The following ABLIM1 variants were observed in gnomAD, a reference collection of about 807,000 sequenced individuals.
ABLIM1 encodes actin-binding LIM protein 1.
A neutral mutation model predicts 107.0 loss-of-function variants in ABLIM1; 40 were observed. The ratio of observed to expected loss-of-function variants is 0.37; its 90% CI spans 0.29 to 0.49. The LOEUF (loss-of-function observed/expected upper bound fraction) is 0.49. Among genes scored for constraint, ABLIM1 ranks in the 20% least tolerant of loss-of-function variants. The probability of loss-of-function intolerance (pLI) is 0.97; values close to 1 mark genes in which losing one functional copy is unlikely to be tolerated. For missense variants in ABLIM1, 857 were observed against 1,008.5 expected (o/e 0.85, Z 2.04); for synonymous variants, 357 against 357.3 (o/e 1.00, Z 0.01).
At chr10:114,775,761 TG>T in the ABLIM1 span, among the ~76,000 whole-genome samples, 2 of 152,244 alleles carry the variant, frequency 1.3e-5, no homozygotes, top group Non-Finnish European at 2.9e-5. Context: ...ATCTAACATT[TG>T]TAAGGCATGA....
At position 114,441,791 on chromosome 10, in the gene ABLIM1, G is replaced by A. The variant is rs776074360; in HGVS notation, c.1934-5C>T. On this transcript the variant is annotated splice_polypyrimidine_tract_variant and splice_region_variant and intron_variant, in intron 17 of 22. Coordinates refer to ENST00000533213, the MANE Select transcript of ABLIM1 (RefSeq NM_002313.7). Reference sequence around the variant, plus strand: ...TAGATGATGGAATATGTGAAGCTGAGTAAGAAAAAAGTAAAAAACCAATTG... The same window carrying A: ...TAGATGATGGAATATGTGAAGCTGAATAAGAAAAAAGTAAAAAACCAATTG... 1.2e-6 allele frequency: 2 copies of A among 1,613,180 alleles called. No individual in the cohort carries two copies. Among genetic ancestry groups the A allele is most frequent in the Non-Finnish European group, 1.7e-6 (2 of 1,179,232 alleles).
intron 1 of ABLIM1, among the ~76,000 whole-genome samples, chr10:114,669,168 T>C (rs1447266518): frequency 2.0e-5 from 3 of 152,228 alleles, no homozygotes; most frequent in Non-Finnish European, 4.4e-5. Flanking sequence ...TCTTATCTCA[T>C]TGCATTAACT....
intron 1 of ABLIM1, among the ~76,000 whole-genome samples, chr10:114,740,861 T>C (rs964178347): frequency 6.6e-6 from 1 of 151,846 alleles, no homozygotes; most frequent in Non-Finnish European, 1.5e-5. Context: ...CTAGCCAACA[T>C]GGTGAAGCCC....
chr10:114,470,294 A>G (rs1408842713), intron 10 of ABLIM1, among the ~76,000 whole-genome samples: 2 of 151,858 alleles, frequency 1.3e-5, no homozygotes, highest in Admixed American at 6.6e-5. Flanking sequence ...ATGGTGGCAC[A>G]TGCCCGTAGT....
At chr10:114,719,941 C>A (rs1424378975) in intron 1 of ABLIM1, among the ~76,000 whole-genome samples, 1 of 152,120 alleles carries the variant, frequency 6.6e-6, no homozygotes. Flanking sequence ...AAAATGTGTG[C>A]CACAGTGGTT....
intron 3 of ABLIM1, among the ~76,000 whole-genome samples, chr10:114,574,195 T>G (rs1332206784): frequency 6.6e-6 from 1 of 151,896 alleles, no homozygotes; most frequent in African/African-American, 2.4e-5. Flanking sequence ...TGAATTGGGG[T>G]TTTTAGAAAG....
At chr10:114,764,466 C>T (rs961542933) in intron 1 of ABLIM1, among the ~76,000 whole-genome samples, 2 of 152,102 alleles carry the variant, frequency 1.3e-5, no homozygotes, top group African/African-American at 4.8e-5. Context: ...CTCAGCCTCC[C>T]GAGTAGCTGG....
At chr10:114,627,289 G>A (rs149003236) in intron 1 of ABLIM1, among the ~76,000 whole-genome samples, 2 of 152,022 alleles carry the variant, frequency 1.3e-5, no homozygotes, top group East Asian at 3.9e-4. Flanking sequence ...AATCTTTAAA[G>A]CCTCAGTTTA....
At chr10:114,550,622 G>A (rs1387205002) in intron 4 of ABLIM1, among the ~76,000 whole-genome samples, 1 of 152,060 alleles carries the variant, frequency 6.6e-6, no homozygotes, top group Non-Finnish European at 1.5e-5. Flanking sequence ...TCTGAGTTTG[G>A]ACAAAGGTAG....
intron 2 of ABLIM1, among the ~76,000 whole-genome samples, chr10:114,581,518 T>C (rs752225128): frequency 3.3e-5 from 5 of 152,220 alleles, no homozygotes; most frequent in Non-Finnish European, 5.9e-5. Flanking sequence ...ATCAGTAGAC[T>C]GAACATCTCT....
chr10:114,467,295 C>T (rs1200609949), intron 11 of ABLIM1, among the ~76,000 whole-genome samples: 1 of 152,166 alleles, frequency 6.6e-6, no homozygotes, highest in Admixed American at 6.5e-5. Flanking sequence ...CAATATAAAA[C>T]TGTCTAAAGA....
intron 1 of ABLIM1, among the ~76,000 whole-genome samples, chr10:114,645,850 T>A (rs897248440): frequency 6.6e-6 from 1 of 151,868 alleles, no homozygotes; most frequent in African/African-American, 2.4e-5. Flanking sequence ...GTTTATGTTT[T>A]AGGCAGAAGG....
At chr10:114,757,521 T>C (rs61207042) in intron 1 of ABLIM1, among the ~76,000 whole-genome samples, 4,900 of 152,290 alleles carry the variant, frequency 0.032, 264 homozygotes, top group African/African-American at 0.11. Flanking sequence ...GCTGAAAGAA[T>C]TGGAGAGATC....
chr10:114,762,385 G>A (rs1383264657), intron 1 of ABLIM1, among the ~76,000 whole-genome samples: 1 of 152,126 alleles, frequency 6.6e-6, no homozygotes, highest in African/African-American at 2.4e-5. Context: ...AAAACTGTGA[G>A]CTCCTTGAGG....
chr10:114,590,449 A>C (rs1030726492), intron 2 of ABLIM1, among the ~76,000 whole-genome samples: 1 of 152,154 alleles, frequency 6.6e-6, no homozygotes, highest in Non-Finnish European at 1.5e-5. Context: ...TGAACTCTGC[A>C]CTAAAGAGTT....
At chr10:114,799,485 C>T in the ABLIM1 span, among the ~76,000 whole-genome samples, 1,329 of 152,294 alleles carry the variant, frequency 8.7e-3, 18 homozygotes, top group African/African-American at 0.03. Flanking sequence ...TCTTGATCCC[C>T]CCCTCCAAAA....
At chr10:114,569,382 C>T (rs1038774646) in intron 4 of ABLIM1, among the ~76,000 whole-genome samples, 3 of 151,678 alleles carry the variant, frequency 2.0e-5, no homozygotes, top group South Asian at 2.1e-4. Flanking sequence ...TGCAGTGGCG[C>T]GATCTCGGCT....
intron 1 of ABLIM1, among the ~76,000 whole-genome samples, chr10:114,668,233 G>T (rs970030316): frequency 6.6e-6 from 1 of 152,202 alleles, no homozygotes; most frequent in African/African-American, 2.4e-5. Flanking sequence ...AGAACACCCA[G>T]CCTGGGAGGA....
chr10:114,460,903 A>T (rs1215582384), intron 12 of ABLIM1, among the ~76,000 whole-genome samples: 1 of 152,254 alleles, frequency 6.6e-6, no homozygotes, highest in Non-Finnish European at 1.5e-5. Context: ...TTATTTGGAC[A>T]AACTGTGTAA....
Sources: gnomAD v4.1 joint callset for allele counts (sites outside exome capture counted in the v4.1 genomes callset) on GRCh38, gnomAD v4.1.1 for gene constraint, MANE v1.5 for transcripts, NCBI Gene and HGNC (gene_info 2026-07-23, HGNC 2026-07-21) for gene names.